The following PTPRT variants were observed in gnomAD, a reference collection of about 807,000 sequenced individuals.
PTPRT encodes the protein receptor-type tyrosine-protein phosphatase T.
In PTPRT, 56 loss-of-function variants were observed where a neutral mutation model predicts 176.8. The observed-to-expected ratio is 0.32, with a 90% confidence interval of 0.26 to 0.40. The LOEUF is 0.40. PTPRT is among the 10% of genes least tolerant of loss of function. The probability of loss-of-function intolerance (pLI) is 1.00; values close to 1 mark genes in which losing one functional copy is unlikely to be tolerated. For synonymous variants in PTPRT, 783 were observed against 739.0 expected (o/e 1.06, Z -0.96); for missense variants, 1,540 against 1,908.2 (o/e 0.81, Z 3.60).
intron 6 of PTPRT, among the ~76,000 whole-genome samples, chr20:42,709,941 G>A (rs937598889): frequency 6.6e-6 from 1 of 152,198 alleles, no homozygotes; most frequent in African/African-American, 2.4e-5. Flanking sequence ...TTATGCTCAT[G>A]CCCTAAGAAT....
chr20:42,972,005 G>A (rs1430284392), intron 1 of PTPRT, among the ~76,000 whole-genome samples: 1 of 151,690 alleles, frequency 6.6e-6, no homozygotes, highest in Non-Finnish European at 1.5e-5. Context: ...CAAAATATCA[G>A]AAAGTAGCCA....
intron 1 of PTPRT, among the ~76,000 whole-genome samples, chr20:42,959,546 G>C (rs1373337344): frequency 6.6e-6 from 1 of 152,124 alleles, no homozygotes; most frequent in Non-Finnish European, 1.5e-5. Context: ...AGAAAACAGA[G>C]ATTCAGAGAG....
intron 2 of PTPRT, among the ~76,000 whole-genome samples, chr20:42,793,109 C>T (rs1391966701): frequency 1.3e-5 from 2 of 152,022 alleles, no homozygotes; most frequent in African/African-American, 4.8e-5. Context: ...GGGTTTGTAC[C>T]AAAAGGTAGC....
chr20:42,209,586 G>A (rs1243465448), intron 15 of PTPRT, among the ~76,000 whole-genome samples: 6 of 152,100 alleles, frequency 3.9e-5, no homozygotes, highest in Admixed American at 3.9e-4. Context: ...ACTCTCCCAA[G>A]ACTAAACCAG....
intron 8 of PTPRT, among the ~76,000 whole-genome samples, chr20:42,451,234 G>C (rs2070821448): frequency 6.6e-6 from 1 of 152,158 alleles, no homozygotes. Context: ...TGATAGATAA[G>C]GGTGAAGGAG....
chr20:42,417,130 T>C (rs1209177730), intron 9 of PTPRT, among the ~76,000 whole-genome samples: 4 of 152,186 alleles, frequency 2.6e-5, no homozygotes, highest in Non-Finnish European at 5.9e-5. Flanking sequence ...CTATCAAACT[T>C]TGTCCTAATA....
intron 6 of PTPRT, among the ~76,000 whole-genome samples, chr20:42,717,782 A>G (rs952621876): frequency 1.3e-5 from 2 of 152,276 alleles, no homozygotes; most frequent in Non-Finnish European, 2.9e-5. Context: ...GTAAATATAA[A>G]GAACTACAAA....
chr20:42,913,553 T>A (rs942672976), intron 1 of PTPRT, among the ~76,000 whole-genome samples: 4 of 152,186 alleles, frequency 2.6e-5, no homozygotes, highest in African/African-American at 9.7e-5. Flanking sequence ...AAGACATTAT[T>A]TCCAAATAAG....
chr20:42,453,861 GC>G lies in PTPRT; in HGVS notation c.1451-5533del, dbSNP rs906454322. Reference sequence around the variant, plus strand: ...AATTTTTTTTTTTTTTTGAGACCCGGCTAATTTTTGTATTTTCAGAAGAGAT... The same window carrying G: ...AATTTTTTTTTTTTTTTGAGACCCGGTAATTTTTGTATTTTCAGAAGAGAT... On this transcript the variant is annotated intron_variant, in intron 8 of 30. Coordinates refer to ENST00000373187, the MANE Select transcript of PTPRT (RefSeq NM_007050.6). Among the ~76,000 whole-genome samples the G allele has an allele frequency of 6.0e-5, 9 of 150,420 alleles. No individual in the cohort carries two copies. In the Middle Eastern group the frequency reaches 0.01, roughly 173 times the overall value.
intron 7 of PTPRT, among the ~76,000 whole-genome samples, chr20:42,554,368 C>T (rs2072824076): frequency 6.6e-6 from 1 of 152,064 alleles, no homozygotes; most frequent in Non-Finnish European, 1.5e-5. Context: ...CACAGGATAA[C>T]AAATTTTGCC....
At chr20:42,154,160 C>A (rs961533296) in intron 17 of PTPRT, among the ~76,000 whole-genome samples, 1 of 152,182 alleles carries the variant, frequency 6.6e-6, no homozygotes, top group African/African-American at 2.4e-5. Flanking sequence ...CATGCCCCTC[C>A]CTAGAACCAT....
intron 5 of PTPRT, among the ~76,000 whole-genome samples, chr20:42,767,930 ATATAT>A (rs969915346): frequency 1.3e-4 from 19 of 146,796 alleles, no homozygotes; most frequent in African/African-American, 4.0e-4. Flanking sequence ...GTTACATGAT[ATATAT>A]TATAACATAC....
intron 1 of PTPRT, among the ~76,000 whole-genome samples, chr20:42,951,255 G>GTGGA (rs993666017): frequency 6.6e-5 from 10 of 151,948 alleles, no homozygotes; most frequent in African/African-American, 2.2e-4. Flanking sequence ...TCATGGAGGG[G>GTGGA]TGGATGGATG....
intron 1 of PTPRT, among the ~76,000 whole-genome samples, chr20:42,995,439 T>C (rs151088351): frequency 1.8e-4 from 27 of 152,298 alleles, no homozygotes; most frequent in Admixed American, 6.5e-4. Flanking sequence ...TGCAAACTTG[T>C]GTGAACCAAG....
intron 7 of PTPRT, among the ~76,000 whole-genome samples, chr20:42,514,312 A>G (rs1216730883): frequency 6.6e-6 from 1 of 152,222 alleles, no homozygotes; most frequent in Non-Finnish European, 1.5e-5. Context: ...CATTTCTTAC[A>G]TATGGGATAT....
intron 2 of PTPRT, among the ~76,000 whole-genome samples, chr20:42,817,800 C>CTCA (rs2077815629): frequency 1.3e-5 from 2 of 152,184 alleles, no homozygotes; most frequent in African/African-American, 2.4e-5. Context: ...CCTATCCTTC[C>CTCA]TCATTGGGCA....
chr20:42,527,264 A>G (rs2072294388), intron 7 of PTPRT, among the ~76,000 whole-genome samples: 1 of 151,814 alleles, frequency 6.6e-6, no homozygotes, highest in Admixed American at 6.6e-5. Flanking sequence ...TGCCCGGCCG[A>G]CTTCTTGGTT....
chr20:43,088,333 G>GGTGTGTGTGT (rs67837016), intron 1 of PTPRT, among the ~76,000 whole-genome samples: 39 of 142,846 alleles, frequency 2.7e-4, no homozygotes, highest in East Asian at 1.3e-3. Context: ...TTTGCTTTGG[G>GGTGTGTGTGT]GTGTGTGTGT....
intron 11 of PTPRT, among the ~76,000 whole-genome samples, chr20:42,349,606 T>A (rs1473945291): frequency 6.6e-6 from 1 of 152,152 alleles, no homozygotes; most frequent in Non-Finnish European, 1.5e-5. Context: ...TAAAAAAAAA[T>A]GTTTGTTGAA....
Sources: gnomAD v4.1 joint callset for allele counts (sites outside exome capture counted in the v4.1 genomes callset) on GRCh38, gnomAD v4.1.1 for gene constraint, MANE v1.5 for transcripts, NCBI Gene and HGNC (gene_info 2026-07-23, HGNC 2026-07-21) for gene names.